The following SETBP1 variants were observed in gnomAD, a reference collection of about 807,000 sequenced individuals.
SETBP1 encodes SET binding protein 1, also known as SET-binding protein.
A neutral mutation model predicts 101.0 loss-of-function variants in SETBP1; 9 were observed. The observed-to-expected ratio is 0.09, with a 90% CI of 0.05 to 0.16. SETBP1 has a LOEUF of 0.16. Ranked by LOEUF, SETBP1 falls within the 10% of genes least tolerant of loss-of-function variation. The pLI is 1.00. For missense variants in SETBP1, 1,858 were observed against 2,033.8 expected (o/e 0.91, Z 1.66); for synonymous variants, 818 against 788.5 (o/e 1.04, Z -0.63).
At chr18:44,900,564 G>A (rs1432486271) in intron 3 of SETBP1, among the ~76,000 whole-genome samples, 2 of 152,138 alleles carry the variant, frequency 1.3e-5, no homozygotes, top group Non-Finnish European at 2.9e-5. Flanking sequence ...TACATAGCTA[G>A]TACCTTTCTA....
At chr18:44,750,410 C>A (rs1599072502) in intron 2 of SETBP1, among the ~76,000 whole-genome samples, 1 of 152,126 alleles carries the variant, frequency 6.6e-6, no homozygotes, top group East Asian at 1.9e-4. Context: ...ACCCTCCTGA[C>A]CTCATCTACA....
At chr18:44,919,159 C>T (rs2070516955) in intron 3 of SETBP1, among the ~76,000 whole-genome samples, 2 of 152,120 alleles carry the variant, frequency 1.3e-5, no homozygotes, top group Admixed American at 1.3e-4. Flanking sequence ...ATAGTTTGTG[C>T]TCAGTAAATA....
chr18:44,842,512 T>G (rs2072636728), intron 2 of SETBP1, among the ~76,000 whole-genome samples: 2 of 152,162 alleles, frequency 1.3e-5, no homozygotes, highest in African/African-American at 4.8e-5. Flanking sequence ...GGTCATAGAA[T>G]CTGAAGGGCA....
intron 4 of SETBP1, chr18:44,986,717 C>T (rs1378099166): frequency 6.6e-6 from 1 of 151,680 alleles, no homozygotes; most frequent in Non-Finnish European, 1.5e-5. Context: ...TAAATATCAC[C>T]AACTTCCACC....
chr18:44,915,088 G>A (rs897660394), intron 3 of SETBP1, among the ~76,000 whole-genome samples: 5 of 152,184 alleles, frequency 3.3e-5, no homozygotes, highest in African/African-American at 1.2e-4. Context: ...GTGGAAATTC[G>A]TAATGAAGAA....
rs866257548 is a variant in SETBP1 at position 44,762,716 on chromosome 18, A to C, written c.486+60884A>C. 4.2e-4 allele frequency among the ~76,000 whole-genome samples: 64 copies of C among 152,232 alleles called. 1 individual carries two copies. Among genetic ancestry groups the C allele is most frequent in the African/African-American group, 1.5e-3 (61 of 41,460 alleles). On this transcript the variant is annotated intron_variant, in intron 2 of 5. Transcript: ENST00000649279. ...CTGGGGTGAAAAAGCCAAGTCCTTC[A>C]AAGTATATTTAACAGTTCCGTCACC...
At chr18:44,942,057 T>A (rs1386321822) in intron 3 of SETBP1, among the ~76,000 whole-genome samples, 1 of 152,210 alleles carries the variant, frequency 6.6e-6, no homozygotes, top group African/African-American at 2.4e-5. Context: ...TTTAAAGAGT[T>A]TTGACTTTTG....
intron 2 of SETBP1, among the ~76,000 whole-genome samples, chr18:44,841,515 A>C (rs2072616844): frequency 6.6e-6 from 1 of 152,210 alleles, no homozygotes; most frequent in Non-Finnish European, 1.5e-5. Context: ...AGAGTACCAA[A>C]GAATTTGTGG....
chr18:45,006,345 T>C (rs1161799560), intron 4 of SETBP1, among the ~76,000 whole-genome samples: 1 of 152,164 alleles, frequency 6.6e-6, no homozygotes, highest in Non-Finnish European at 1.5e-5. Context: ...TAATTGTTCC[T>C]TGTAGGTTCG....
chr18:44,707,896 G>A (rs919396006), intron 2 of SETBP1, among the ~76,000 whole-genome samples: 3 of 152,214 alleles, frequency 2.0e-5, no homozygotes, highest in Non-Finnish European at 4.4e-5. Context: ...CTTAAAATGG[G>A]AGACATGAAA....
At position 44,689,563 on chromosome 18, in the gene SETBP1, G is replaced by A. The variant is rs147826516; in HGVS notation, c.-173+8542G>A. Among the ~76,000 whole-genome samples, 970 of 152,272 alleles carry A rather than the reference G, an allele frequency of 6.4e-3. 10 individuals carry two copies. The highest frequency in any genetic ancestry group is 0.041 in the Middle Eastern group (12 of 294). ...GATCCCAAGAGATGGAGTGAAAGAT[G>A]CTCTAAGAGCCCATGAAAACCAGGG... On this transcript the variant is annotated intron_variant, in intron 1 of 5. Transcript: ENST00000649279.
At chr18:44,797,147 A>G (rs1478964072) in intron 2 of SETBP1, among the ~76,000 whole-genome samples, 2 of 152,226 alleles carry the variant, frequency 1.3e-5, no homozygotes, top group African/African-American at 2.4e-5. Context: ...TGTGGCCTCA[A>G]TGTAAAGAGA....
intron 2 of SETBP1, among the ~76,000 whole-genome samples, chr18:44,708,738 AAAAAG>A (rs72194346): frequency 9.9e-5 from 15 of 150,860 alleles, no homozygotes; most frequent in Non-Finnish European, 1.6e-4. Flanking sequence ...CATGTTCAAA[AAAAAG>A]AAAAGAAAAG....
At position 44,951,299 on chromosome 18, in the gene SETBP1, A is replaced by G. The variant is rs1406195005; in HGVS notation, c.1959A>G (p.Gly653=). 2 of 1,613,654 alleles carry G rather than the reference A, an allele frequency of 1.2e-6. No individual in the cohort carries two copies. Among genetic ancestry groups the G allele is most frequent in the Non-Finnish European group, 1.7e-6 (2 of 1,180,038 alleles). The change falls in exon 4 of 6, where the codon GGA becomes GGG. Residue 653 remains glycine (G), a synonymous_variant. Transcript: ENST00000649279. This position sits in a 1 kb window ranked among gnomAD's most constrained non-coding sequence, Gnocchi z 7.8. ...AGATGAAATTTCACAAGAAAGTTGGAAAGCTCGGCGTGTTGGATAAGAAGA... is the reference window on the plus strand; with the variant it reads ...AGATGAAATTTCACAAGAAAGTTGGGAAGCTCGGCGTGTTGGATAAGAAGA... ...MSEMKFHKKV[G]KLGVLDKKTI...
chr18:44,868,667 CGA>C (rs147824825), intron 2 of SETBP1, among the ~76,000 whole-genome samples: 6,473 of 86,684 alleles, frequency 0.075, 611 homozygotes, highest in African/African-American at 0.22. Flanking sequence ...TGTACTCCAG[CGA>C]GAGAGAGAGA....
intron 3 of SETBP1, among the ~76,000 whole-genome samples, chr18:44,945,200 G>A (rs185747450): frequency 6.6e-6 from 1 of 152,152 alleles, no homozygotes; most frequent in East Asian, 1.9e-4. Context: ...GCAACCTACA[G>A]AATGGGAGAA....
chr18:45,038,805 TC>T (rs1250600563), intron 5 of SETBP1, 150 bp downstream of exon 5: 7 of 765,128 alleles, frequency 9.1e-6, no homozygotes, highest in Admixed American at 2.2e-5. Flanking sequence ...CAGCACTGGC[TC>T]TTTGAAGTGG....
At chr18:45,053,172 T>G (rs1192088740) in intron 5 of SETBP1, among the ~76,000 whole-genome samples, 1 of 152,192 alleles carries the variant, frequency 6.6e-6, no homozygotes, top group African/African-American at 2.4e-5. Context: ...CTTTTTTTAA[T>G]ATAAATGTGG....
chr18:44,838,100 TCCTTCAGCCTGGAGCAGC>T (rs1297967910), intron 2 of SETBP1, among the ~76,000 whole-genome samples: 1 of 152,186 alleles, frequency 6.6e-6, no homozygotes, highest in Non-Finnish European at 1.5e-5. Context: ...TTCTTCTAAG[TCCTTCAGCCTGGAGCAGC>T]CCATGCCTGG....
Sources: gnomAD v4.1 joint callset for allele counts (sites outside exome capture counted in the v4.1 genomes callset) on GRCh38, gnomAD v4.1.1 for gene constraint, Gnocchi (gnomAD v3.1) non-coding constraint, MANE v1.5 for transcripts, NCBI Gene and HGNC (gene_info 2026-07-23, HGNC 2026-07-21) for gene names.